The following EFCAB12 variants were observed in gnomAD, a reference collection of about 807,000 sequenced individuals.
The protein encoded by EFCAB12 is EF-hand calcium binding domain 12.
In EFCAB12, 43 loss-of-function variants were observed where a neutral mutation model predicts 53.6. The ratio of observed to expected loss-of-function variants is 0.80; its 90% CI spans 0.63 to 1.03. The LOEUF (loss-of-function observed/expected upper bound fraction) is 1.03, where lower values mean the gene tolerates loss of function less well. Among genes scored for constraint, EFCAB12 ranks in the 50% least tolerant of loss-of-function variants. EFCAB12 has a pLI of 0.00. For missense variants in EFCAB12, 646 were observed against 730.6 expected, an observed-to-expected ratio of 0.88 and a Z score of 1.34; for synonymous variants, 269 against 289.2, an observed-to-expected ratio of 0.93 and a Z score of 0.71.
intron 6 of EFCAB12, among the ~76,000 whole-genome samples, chr3:129,404,718 G>C (rs1239554389): frequency 1.3e-5 from 2 of 151,982 alleles, no homozygotes; most frequent in African/African-American, 4.8e-5. Flanking sequence ...TCATAACAAG[G>C]ACAACAAAGC....
intron 5 of EFCAB12, 72 bp from the exon 6 acceptor site, chr3:129,408,930 T>A: frequency 6.6e-7 from 1 of 1,506,040 alleles, no homozygotes; most frequent in Non-Finnish European, 9.0e-7. Flanking sequence ...AGAAGGAAGA[T>A]GCAGTGCCTC....
intron 6 of EFCAB12, 145 bp downstream of exon 6, chr3:129,408,500 G>A (rs1242131172): frequency 1.2e-5 from 10 of 833,870 alleles, no homozygotes; most frequent in African/African-American, 5.2e-5. Flanking sequence ...TCTCCTCCAC[G>A]CCCCCACTCC....
chr3:129,413,203 GAGAGACACCC>G (rs2072067600), intron 4 of EFCAB12: 1 of 147,868 alleles, frequency 6.8e-6, no homozygotes, highest in South Asian at 2.1e-4. Context: ...TAGACAAAGT[GAGAGACACCC>G]GGACAGAGCA....
At chr3:129,425,744 T>C (rs185723236) in intron 1 of EFCAB12, among the ~76,000 whole-genome samples, 9 of 152,268 alleles carry the variant, frequency 5.9e-5, no homozygotes, top group Non-Finnish European at 1.0e-4. Flanking sequence ...TATGTGACAA[T>C]GTTCCTAGGA....
intron 6 of EFCAB12, among the ~76,000 whole-genome samples, chr3:129,405,843 C>T (rs1193321220): frequency 6.6e-6 from 1 of 152,178 alleles, no homozygotes; most frequent in Non-Finnish European, 1.5e-5. Flanking sequence ...GTCCCACCCA[C>T]AGGATGCTCC....
At chr3:129,415,525 T>A in intron 3 of EFCAB12, 124 bp from the exon 4 acceptor site, 1 of 1,220,900 alleles carries the variant, frequency 8.2e-7, no homozygotes, top group Non-Finnish European at 1.1e-6. Flanking sequence ...AACCACTCCC[T>A]ACTATACCCA....
At chr3:129,415,171 A>C (rs934368140) in intron 4 of EFCAB12, 74 bp downstream of exon 4, 1 of 1,462,404 alleles carries the variant, frequency 6.8e-7, no homozygotes, top group Non-Finnish European at 9.0e-7. Flanking sequence ...TTTGGAGGAG[A>C]GGCCAAGGCT....
intron 3 of EFCAB12, among the ~76,000 whole-genome samples, chr3:129,415,935 T>A (rs1023161003): frequency 6.6e-6 from 1 of 152,206 alleles, no homozygotes; most frequent in African/African-American, 2.4e-5. Context: ...GAAGAAAAGT[T>A]TTAAAGGAAA....
Position 129,411,254 on chromosome 3 carries a change from CA to C in EFCAB12, c.938del (p.Val313GlyfsTer13). On this transcript the variant is annotated frameshift_variant, in exon 5 of 9. Transcript: ENST00000505956. LOFTEE classifies it high-confidence loss of function. ...PQLPKVDLLT[V>X]PAVDTQMETR... is the part of the protein sequence containing the mutation. ...TCTCCATCTGCGTGTCGACTGCAGG[CA>C]CCGTCAGTAGGTCCACTTTGGGAAG... 2 of 1,613,840 alleles carry C rather than the reference CA, an allele frequency of 1.2e-6. No individual in the cohort carries two copies. Among genetic ancestry groups the C allele is most frequent in the Non-Finnish European group, 1.7e-6 (2 of 1,179,802 alleles).
Position 129,418,385 on chromosome 3 carries a change from G to T in EFCAB12, c.550C>A (p.Pro184Thr), listed in dbSNP as rs763351484. ...GAGTACATGACCGACAGGGCAGGGG[G>T]CTCGGGCAGCTGGAGCTGGGGCACC... ...QMVPQLQLPE[P>T]PALSVMYSYL... Residue 184 changes from proline to threonine, a missense_variant, in exon 3 of 9, where the codon CCC (proline) becomes ACC (threonine). Transcript: ENST00000505956. The T allele has an allele frequency of 2.5e-6, 4 of 1,613,428 alleles. No individual in the cohort carries two copies. The highest frequency in any genetic ancestry group is 3.4e-6 in the Non-Finnish European group (4 of 1,179,672).
intron 5 of EFCAB12, 66 bp from the exon 6 acceptor site, chr3:129,408,924 G>A: frequency 2.0e-6 from 3 of 1,521,662 alleles, no homozygotes; most frequent in East Asian, 2.5e-5. Context: ...GCCAGAAGAA[G>A]GAAGATGCAG....
At position 129,404,273 on chromosome 3, in the gene EFCAB12, A is replaced by G; in HGVS notation, c.1380T>C (p.Pro460=). Residue 460 remains proline, a synonymous_variant, in exon 7 of 9, where the codon CCT becomes CCC. Coordinates refer to ENST00000505956, the MANE Select transcript of EFCAB12 (RefSeq NM_207307.3). ...PNLALLRSQG[P]GKSKRTDKKT... ...GCTTGTCAGTCCTCTTAGACTTGCC[A>G]GGGCCCTGGGACCGGAGCAGAGCCA... The G allele has an allele frequency of 1.2e-6, 2 of 1,613,766 alleles. No homozygotes were observed. The highest frequency in any genetic ancestry group is 1.7e-6 in the Non-Finnish European group (2 of 1,179,750).
chr3:129,404,537 G>GTAACTTTTTATTGTTGAA (rs2071923206), intron 6 of EFCAB12, 134 bp from the exon 7 acceptor site: 4 of 1,059,830 alleles, frequency 3.8e-6, no homozygotes, highest in Non-Finnish European at 5.0e-6. Context: ...TATCTATATA[G>GTAACTTTTTATTGTTGAA]TAACTTTTTA....
Position 129,401,813 on chromosome 3 carries a change from G to A in EFCAB12, c.1499C>T (p.Thr500Ile). 1 of 1,613,332 alleles carries A rather than the reference G, an allele frequency of 6.2e-7. No individual in the cohort carries two copies. Residue 500 changes from threonine (T) to isoleucine (I), a missense_variant, in exon 9 of 9, where the codon ACA becomes ATA. By Grantham distance (89) the Thr-to-Ile change is moderately conservative (BLOSUM62 -1). Transcript: ENST00000505956. ...ACCCGGCCAGAAGGAATTGGGGTGT[G>A]TTTGCTGCAGACCACTGGACCTCTT... is the stretch of plus-strand genomic sequence containing the variant. Reference protein sequence around the residue: ...KVKRSSGLQQTHPNSFWPGHL... With the variant: ...KVKRSSGLQQIHPNSFWPGHL...
In EFCAB12 at chr3:129,421,225, T is replaced by G. The variant is rs9861115; in HGVS notation, c.486+142A>C. The stretch of plus-strand genomic sequence containing the variant: ...ATGCAGCAATAGATAACTAGACAAC[T>G]AATACACCTCCCTCTCAAGACTTCT... On this transcript the variant is annotated intron_variant, in intron 2 of 8. Coordinates refer to ENST00000505956, the MANE Select transcript of EFCAB12 (RefSeq NM_207307.3). The G allele has an allele frequency of 2.5e-3, 2,297 of 929,816 alleles. 39 individuals are homozygous for G. In the African/African-American group the frequency reaches 0.033, roughly 13 times the overall value. 57.6% of individuals were successfully genotyped at this position (929,816 alleles called of 1,614,324 possible). A position where few individuals can be genotyped will look rare whatever the true frequency, so the allele number is the denominator to read the frequency against.
intron 1 of EFCAB12, among the ~76,000 whole-genome samples, chr3:129,426,367 T>TG (rs1251854538): frequency 1.6e-4 from 22 of 134,334 alleles, no homozygotes; most frequent in Middle Eastern, 3.6e-3. Flanking sequence ...TTGTTTTTTT[T>TG]TTTTTTTTTT....
Position 129,404,200 on chromosome 3 carries a change from G to C in EFCAB12, c.1403+50C>G, listed in dbSNP as rs756396140. The C allele has an allele frequency of 2.4e-5, 38 of 1,581,418 alleles. No individual in the cohort carries two copies. In the East Asian group the frequency reaches 2.5e-4, roughly 10 times the overall value. Reference sequence around the variant, plus strand: ...CTCCAGCCCCCACACTGAAGGGATAGCAATGGAGCAGGAGGCCAAGGCAGG... The same window carrying C: ...CTCCAGCCCCCACACTGAAGGGATACCAATGGAGCAGGAGGCCAAGGCAGG... On this transcript the variant is annotated intron_variant, in intron 7 of 8. Coordinates refer to ENST00000505956, the MANE Select transcript of EFCAB12 (RefSeq NM_207307.3).
intron 1 of EFCAB12, among the ~76,000 whole-genome samples, chr3:129,423,383 T>C (rs2072213133): frequency 6.6e-6 from 1 of 152,116 alleles, no homozygotes; most frequent in Non-Finnish European, 1.5e-5. Context: ...TCCAAGCACT[T>C]TGGGAGGCTG....
chr3:129,425,074 AAAG>A (rs1313359658), intron 1 of EFCAB12, among the ~76,000 whole-genome samples: 1 of 152,164 alleles, frequency 6.6e-6, no homozygotes, highest in Non-Finnish European at 1.5e-5. Context: ...CACTGTGTGT[AAAG>A]GAGGAGGTTA....
Sources: allele counts gnomAD v4.1 joint callset (sites outside exome capture counted in the v4.1 genomes callset), GRCh38; gene constraint gnomAD v4.1.1; transcripts MANE v1.5; gene names NCBI Gene and HGNC (gene_info 2026-07-23, HGNC 2026-07-21).